BRD10: variants seen among roughly 807,000 people sequenced by gnomAD.
The protein encoded by BRD10 is uncharacterized bromodomain-containing protein 10.
the BRD10 span, among the ~76,000 whole-genome samples, chr9:5,936,330 G>A: frequency 6.6e-6 from 1 of 152,246 alleles, no homozygotes; most frequent in Non-Finnish European, 1.5e-5. Flanking sequence ...ACTCTTGCCT[G>A]GGTGACAGAG....
the BRD10 span, among the ~76,000 whole-genome samples, chr9:5,880,373 G>T: frequency 6.6e-6 from 1 of 151,952 alleles, no homozygotes; most frequent in Non-Finnish European, 1.5e-5. Flanking sequence ...TTAGCCGGGC[G>T]TCATGGCACG....
the BRD10 span, among the ~76,000 whole-genome samples, chr9:5,986,284 C>T: frequency 2.2e-3 from 339 of 152,284 alleles, no homozygotes; most frequent in Admixed American, 4.4e-3. Flanking sequence ...TCATCCATGT[C>T]CCTGCAAATG....
At chr9:5,969,283 T>C in the BRD10 span, 2 of 1,613,868 alleles carry the variant, frequency 1.2e-6, no homozygotes, top group Admixed American at 3.3e-5. Context: ...AATTTAGAAT[T>C]TGCTGAGCTA....
the BRD10 span, chr9:5,922,106 T>G: frequency 6.2e-7 from 1 of 1,613,996 alleles, no homozygotes; most frequent in South Asian, 1.1e-5. Context: ...TTGATCTGGG[T>G]TGGTCTGTAC....
At chr9:5,910,391 T>C in the BRD10 span, 1 of 152,174 alleles carries the variant, frequency 6.6e-6, no homozygotes, top group Non-Finnish European at 1.5e-5. Flanking sequence ...AATATTAAAA[T>C]ATTTCCCCAC....
chr9:5,919,579 C>CACACACACACACAA, the BRD10 span: 1 of 997,154 alleles, frequency 1.0e-6, no homozygotes, highest in Admixed American at 2.8e-5. Context: ...CACACACACA[C>CACACACACACACAA]ACACAATGTA....
chr9:5,944,584 A>G, the BRD10 span, among the ~76,000 whole-genome samples: 1 of 152,210 alleles, frequency 6.6e-6, no homozygotes, highest in East Asian at 1.9e-4. Context: ...CATTACCCAA[A>G]AAACTACCAG....
the BRD10 span, among the ~76,000 whole-genome samples, chr9:5,965,832 A>G: frequency 1.3e-5 from 2 of 152,204 alleles, no homozygotes; most frequent in South Asian, 2.1e-4. Flanking sequence ...ACTGACTATG[A>G]AAGGCCACAA....
chr9:5,904,248 G>A, the BRD10 span, among the ~76,000 whole-genome samples: 1 of 152,194 alleles, frequency 6.6e-6, no homozygotes, highest in African/African-American at 2.4e-5. Context: ...CTTGTTTGTT[G>A]ATCCACTCTG....
chr9:5,942,937 G>A, the BRD10 span, among the ~76,000 whole-genome samples: 1 of 152,136 alleles, frequency 6.6e-6, no homozygotes, highest in African/African-American at 2.4e-5. Flanking sequence ...GAACGCAGTG[G>A]CATGATCACA....
At chr9:5,955,593 T>C in the BRD10 span, among the ~76,000 whole-genome samples, 1 of 152,212 alleles carries the variant, frequency 6.6e-6, no homozygotes, top group African/African-American at 2.4e-5. Context: ...TTTCTAACTT[T>C]TGGCTCAATG....
At chr9:5,906,820 C>A in the BRD10 span, 1 of 1,104,852 alleles carries the variant, frequency 9.1e-7, no homozygotes, top group Non-Finnish European at 1.3e-6. Flanking sequence ...TGGCTTCCTT[C>A]TCTTTTCTTT....
chr9:5,988,519 G>A, the BRD10 span: 6 of 1,613,646 alleles, frequency 3.7e-6, 1 homozygote, highest in Admixed American at 1.0e-4. Flanking sequence ...AGATGTAACT[G>A]CTATCGTTGT....
chr9:5,967,868 C>T, the BRD10 span: 1 of 582,820 alleles, frequency 1.7e-6, no homozygotes, highest in South Asian at 2.4e-5. Context: ...CTTTTTAACA[C>T]ATTGAATATA....
chr9:5,970,731 A>G, the BRD10 span, among the ~76,000 whole-genome samples: 1 of 152,152 alleles, frequency 6.6e-6, no homozygotes, highest in South Asian at 2.1e-4. Context: ...TTACAACTCA[A>G]TAATGAAAGG....
At chr9:5,919,667 G>A in the BRD10 span, 13 of 1,568,982 alleles carry the variant, frequency 8.3e-6, 1 homozygote, top group South Asian at 1.4e-4. Flanking sequence ...TTAAAAACTG[G>A]CTCTTTTAGT....
At chr9:5,921,562 A>C in the BRD10 span, 1 of 1,613,778 alleles carries the variant, frequency 6.2e-7, no homozygotes, top group Non-Finnish European at 8.5e-7. Context: ...GAATAGATGG[A>C]GCTGATACCA....
chr9:5,929,395 TA>T, the BRD10 span, among the ~76,000 whole-genome samples: 3 of 152,174 alleles, frequency 2.0e-5, no homozygotes, highest in African/African-American at 7.2e-5. Context: ...ATAAAAATTT[TA>T]AAAATGTTTT....
chr9:5,988,242 G>T, the BRD10 span: 39 of 754,634 alleles, frequency 5.2e-5, no homozygotes, highest in East Asian at 9.7e-4. Flanking sequence ...TCATACTTTT[G>T]TAACAATGCA....
Sources: gnomAD v4.1 joint callset for allele counts (sites outside exome capture counted in the v4.1 genomes callset) on GRCh38, gnomAD v4.1.1 for gene constraint, MANE v1.5 for transcripts, NCBI Gene and HGNC (gene_info 2026-07-23, HGNC 2026-07-21) for gene names.